QSOX2: variants seen among roughly 807,000 people sequenced by gnomAD.
QSOX2 encodes sulfhydryl oxidase 2.
In QSOX2, 46 loss-of-function variants were observed where a neutral mutation model predicts 61.7. That is an observed-to-expected ratio of 0.75 (90% CI 0.59 to 0.95). QSOX2 has a LOEUF of 0.95. Among genes scored for constraint, QSOX2 ranks in the 40% least tolerant of loss-of-function variants. QSOX2 has a pLI of 0.00. For missense variants in QSOX2, 879 were observed against 918.9 expected (o/e 0.96, Z 0.56); for synonymous variants, 383 against 388.4 (o/e 0.99, Z 0.16).
chr9:136,218,994 T>C, intron 7 of QSOX2, 36 bp downstream of exon 7: 1 of 1,610,884 alleles, frequency 6.2e-7, no homozygotes, highest in Non-Finnish European at 8.5e-7. Context: ...CTACACGCAC[T>C]GTCTCCGGGG....
chr9:136,224,438 C>T (rs1183660766), intron 3 of QSOX2, among the ~76,000 whole-genome samples: 1 of 151,954 alleles, frequency 6.6e-6, no homozygotes, highest in African/African-American at 2.4e-5. Context: ...GGCAGAGCCC[C>T]CCCAGGGCGC....
At chr9:136,240,743 A>G (rs1281730079) in intron 1 of QSOX2, among the ~76,000 whole-genome samples, 5 of 152,232 alleles carry the variant, frequency 3.3e-5, no homozygotes, top group African/African-American at 1.2e-4. Context: ...CGGTCGCCTC[A>G]TCTGGGGACT....
intron 11 of QSOX2, chr9:136,210,163 T>C (rs1831828221): frequency 1.0e-6 from 1 of 985,354 alleles, no homozygotes; most frequent in Admixed American, 6.1e-5. Flanking sequence ...CAGTGGCACC[T>C]TGGTCAGAAG....
intron 1 of QSOX2, among the ~76,000 whole-genome samples, chr9:136,242,426 C>G (rs896888048): frequency 6.6e-6 from 1 of 152,218 alleles, no homozygotes; most frequent in African/African-American, 2.4e-5. Context: ...GCTGGACACT[C>G]TAGGTAGAAG....
In QSOX2 at chr9:136,209,120, C is replaced by CT. The variant is rs776396870; in HGVS notation, c.1704dup (p.Asp569ArgfsTer12). On this transcript the variant is annotated frameshift_variant, in exon 12 of 12. Transcript: ENST00000358701. LOFTEE classifies it low-confidence loss of function (END_TRUNC). The surrounding 1 kb of genome is among the most constrained non-coding windows in gnomAD (Gnocchi z 5.6). ...TCCCCCTGGTCTGCGGAATACGTGT[C>CT]TAAGAGGTTGTCGCGGCCATAGTGC... 6.2e-7 allele frequency: 1 copy of CT among 1,614,184 alleles called. No homozygotes were observed. The highest frequency in any genetic ancestry group is 8.5e-7 in the Non-Finnish European group (1 of 1,180,028).
At chr9:136,244,164 G>T (rs1208558917) in intron 1 of QSOX2, among the ~76,000 whole-genome samples, 1 of 152,060 alleles carries the variant, frequency 6.6e-6, no homozygotes, top group Non-Finnish European at 1.5e-5. Context: ...TAACACACAA[G>T]AACTGAAGGG....
intron 1 of QSOX2, among the ~76,000 whole-genome samples, chr9:136,240,965 C>T (rs1173147399): frequency 6.6e-6 from 1 of 152,202 alleles, no homozygotes; most frequent in East Asian, 1.9e-4. Flanking sequence ...CCCCATGGCA[C>T]GACGACCGGC....
At chr9:136,226,641 A>C in intron 2 of QSOX2, 133 bp downstream of exon 2, 1 of 768,542 alleles carries the variant, frequency 1.3e-6, no homozygotes. Flanking sequence ...AGTTCCAAGG[A>C]GAGAGCCAGA....
Position 136,207,881 on chromosome 9 carries a change from G to C in QSOX2, c.*847C>G, listed in dbSNP as rs567463603. ...CAGAGCTGCCCTCCAGGCACCCGCC[G>C]TCCCAACGGCCCCCATTTACTTGTC... On this transcript the variant is annotated 3_prime_UTR_variant, in exon 12 of 12. Coordinates refer to ENST00000358701, the MANE Select transcript of QSOX2 (RefSeq NM_181701.4). 1 of 152,276 alleles carries C rather than the reference G, an allele frequency of 6.6e-6. No individual in the cohort carries two copies. Among genetic ancestry groups the C allele is most frequent in the African/African-American group, 2.4e-5 (1 of 41,432 alleles). The allele number at this position is 152,276 out of a possible 1,614,324, so 9.4% of individuals were successfully genotyped here.
Position 136,222,339 on chromosome 9 carries a change from T to G in QSOX2, c.676-398A>C, listed in dbSNP as rs1425378290. Among the ~76,000 whole-genome samples the G allele has an allele frequency of 6.6e-6, 1 of 152,148 alleles. No homozygotes were observed. Among genetic ancestry groups the G allele is most frequent in the Non-Finnish European group, 1.5e-5 (1 of 68,034 alleles). Reference sequence around the variant, plus strand: ...TTCGTGGCCGGGGCAGCAGGCCTCGTGCTGCCGCTCCTCCCCAGCCACCCT... The same window carrying G: ...TTCGTGGCCGGGGCAGCAGGCCTCGGGCTGCCGCTCCTCCCCAGCCACCCT... On this transcript the variant is annotated intron_variant, in intron 5 of 11. Transcript: ENST00000358701. This position sits in a 1 kb window ranked among gnomAD's most constrained non-coding sequence, Gnocchi z 6.9.
chr9:136,240,166 G>A (rs572828722), intron 1 of QSOX2, among the ~76,000 whole-genome samples: 7 of 152,348 alleles, frequency 4.6e-5, no homozygotes, highest in South Asian at 2.1e-4. Flanking sequence ...AAATGAGACC[G>A]CAGGCCTATT....
rs755254196 is a variant in QSOX2, at chr9:136,223,756, G to GTA, written c.675+6_675+7insTA. The GTA allele has an allele frequency of 1.2e-5, 19 of 1,612,706 alleles. No individual in the cohort carries two copies. The highest frequency in any genetic ancestry group is 3.4e-6 in the Non-Finnish European group (4 of 1,179,140). On this transcript the variant is annotated splice_region_variant and intron_variant, in intron 5 of 11. Transcript: ENST00000358701. This position sits in a 1 kb window ranked among gnomAD's most constrained non-coding sequence, Gnocchi z 4.4. Reference sequence around the variant, plus strand: ...TGTGACACCTGGAGCCCACGCAGAGGCCGTACCTCCCGTCCAAGGTAGGAG... The same window carrying GTA: ...TGTGACACCTGGAGCCCACGCAGAGGTACCGTACCTCCCGTCCAAGGTAGGAG...
intron 1 of QSOX2, among the ~76,000 whole-genome samples, chr9:136,242,459 T>G (rs912592382): frequency 1.3e-5 from 2 of 152,258 alleles, no homozygotes; most frequent in Non-Finnish European, 2.9e-5. Flanking sequence ...CCATGGCCTG[T>G]GTGCCCCCAG....
intron 1 of QSOX2, among the ~76,000 whole-genome samples, chr9:136,241,727 G>A (rs920995639): frequency 6.6e-6 from 1 of 152,124 alleles, no homozygotes; most frequent in Admixed American, 6.6e-5. Flanking sequence ...GGGAGGACTC[G>A]GCCTGTTCCA....
chr9:136,243,646 C>T (rs540757804), intron 1 of QSOX2, among the ~76,000 whole-genome samples: 2 of 152,246 alleles, frequency 1.3e-5, no homozygotes, highest in Non-Finnish European at 2.9e-5. Context: ...TGACACTGTT[C>T]CCCTGGCCAT....
rs776272898 is a variant in QSOX2, at chr9:136,222,125, C to G, written c.676-184G>C. Reference sequence around the variant, plus strand: ...ACTTTAAGGCAACTGACGGCACACACGCCATGAGCAGAAACCACGGTCTTA... The same window carrying G: ...ACTTTAAGGCAACTGACGGCACACAGGCCATGAGCAGAAACCACGGTCTTA... On this transcript the variant is annotated intron_variant, in intron 5 of 11. Coordinates refer to ENST00000358701, the MANE Select transcript of QSOX2 (RefSeq NM_181701.4). This position sits in a 1 kb window ranked among gnomAD's most constrained non-coding sequence, Gnocchi z 6.9. Among the ~76,000 whole-genome samples the G allele has an allele frequency of 6.6e-6, 1 of 152,194 alleles. No homozygotes were observed. The highest frequency in any genetic ancestry group is 1.5e-5 in the Non-Finnish European group (1 of 68,042).
intron 8 of QSOX2, among the ~76,000 whole-genome samples, chr9:136,218,172 G>A (rs1033989929): frequency 6.6e-6 from 1 of 152,198 alleles, no homozygotes; most frequent in Non-Finnish European, 1.5e-5. Flanking sequence ...GCCCGCTCCT[G>A]GCGACCCCCT....
intron 1 of QSOX2, among the ~76,000 whole-genome samples, chr9:136,233,059 G>A (rs1480292391): frequency 6.6e-6 from 1 of 152,156 alleles, no homozygotes; most frequent in Non-Finnish European, 1.5e-5. Flanking sequence ...AATTAGGAAG[G>A]AAGAGGAGCG....
intron 8 of QSOX2, among the ~76,000 whole-genome samples, chr9:136,217,006 C>T (rs539677915): frequency 2.0e-5 from 3 of 152,374 alleles, no homozygotes; most frequent in Non-Finnish European, 2.9e-5. Context: ...GGCCTCGCTC[C>T]GGCCAGGTGA....
Sources: allele counts gnomAD v4.1 joint callset (sites outside exome capture counted in the v4.1 genomes callset), GRCh38; gene constraint gnomAD v4.1.1; non-coding constraint Gnocchi (gnomAD v3.1); transcripts MANE v1.5; gene names NCBI Gene and HGNC (gene_info 2026-07-23, HGNC 2026-07-21).